SLC8A3: variants seen among roughly 807,000 people sequenced by gnomAD.
The protein encoded by SLC8A3 is solute carrier family 8 member A3, also known as sodium/calcium exchanger 3.
In SLC8A3, 37 loss-of-function variants were observed where a neutral mutation model predicts 65.4. That is an observed-to-expected ratio of 0.57 (90% CI 0.44 to 0.74). SLC8A3 has a LOEUF of 0.74. Among genes scored for constraint, SLC8A3 ranks in the 30% least tolerant of loss-of-function variants. SLC8A3 has a pLI of 0.00. For missense variants in SLC8A3, 1,112 were observed against 1,172.1 expected (o/e 0.95, Z 0.75); for synonymous variants, 461 against 444.5 (o/e 1.04, Z -0.47).
intron 2 of SLC8A3, among the ~76,000 whole-genome samples, chr14:70,126,794 AC>A (rs982649021): frequency 6.6e-6 from 1 of 152,082 alleles, no homozygotes; most frequent in Admixed American, 6.5e-5. Context: ...CAAAATTGGA[AC>A]CTTTTTGAGT....
chr14:70,123,488 C>T (rs77186285), intron 2 of SLC8A3, among the ~76,000 whole-genome samples: 15,837 of 147,696 alleles, frequency 0.11, 1,128 homozygotes, highest in Non-Finnish European at 0.16. Flanking sequence ...TCACTCTTGT[C>T]GCCCAGGCTG....
At chr14:70,168,872 T>C (rs1594798051) in intron 1 of SLC8A3, among the ~76,000 whole-genome samples, 1 of 152,350 alleles carries the variant, frequency 6.6e-6, no homozygotes, top group East Asian at 1.9e-4. Context: ...CCTTACCCTG[T>C]TGTCATTATA....
intron 2 of SLC8A3, among the ~76,000 whole-genome samples, chr14:70,072,707 G>T (rs1890123031): frequency 6.6e-6 from 1 of 152,152 alleles, no homozygotes; most frequent in South Asian, 2.1e-4. Context: ...AAGTGTAGTA[G>T]CATGATCTCG....
At chr14:70,189,301 G>T (rs145604194), upstream of SLC8A3, among the ~76,000 whole-genome samples, 271 of 152,312 alleles carry the variant, frequency 1.8e-3, 2 homozygotes, top group African/African-American at 6.3e-3. Flanking sequence ...ACGGCGGCGC[G>T]TCCTGACCTG....
chr14:70,173,422 G>A (rs1897671737), intron 1 of SLC8A3, among the ~76,000 whole-genome samples: 1 of 152,170 alleles, frequency 6.6e-6, no homozygotes, highest in Admixed American at 6.5e-5. Context: ...ACGCCTCTGA[G>A]GCCATCTGCA....
At position 70,047,476 on chromosome 14, in the gene SLC8A3, A is replaced by G. The variant is rs145266234; in HGVS notation, c.2390-1153T>C. The G allele has an allele frequency of 4.6e-5, 7 of 152,250 alleles. No homozygotes were observed. The East Asian group carries it at 1.2e-3, about 25-fold the overall frequency. The allele number at this position is 152,250 out of a possible 1,614,324, so 9.4% of individuals were successfully genotyped here. A position where few individuals can be genotyped will look rare whatever the true frequency, so the allele number is the denominator to read the frequency against. ...ACAGAGATCACAGGGCATCTCATCC[A>G]CAGGCCTTCCTGGGATCATCCATCT... On this transcript the variant is annotated intron_variant, in intron 6 of 6. Coordinates refer to ENST00000356921, the MANE Select transcript of SLC8A3 (RefSeq NM_182932.3).
At chr14:70,098,535 G>A (rs994403386) in intron 2 of SLC8A3, among the ~76,000 whole-genome samples, 2 of 152,194 alleles carry the variant, frequency 1.3e-5, no homozygotes, top group African/African-American at 4.8e-5. Context: ...AGAGACTGAG[G>A]TGTTGGTTAG....
rs532231331 is a variant in SLC8A3 at position 70,086,031 on chromosome 14, A to G, written c.1785-25092T>C. ...TATACTGCCTTTCAAATGAGATAATAAAAATTGCTTTTCAATGAAATGGAG... is the reference window on the plus strand; with the variant it reads ...TATACTGCCTTTCAAATGAGATAATGAAAATTGCTTTTCAATGAAATGGAG... On this transcript the variant is annotated intron_variant, in intron 2 of 6. Coordinates refer to ENST00000356921, the MANE Select transcript of SLC8A3 (RefSeq NM_182932.3). 5.9e-5 allele frequency among the ~76,000 whole-genome samples: 9 copies of G among 152,320 alleles called. No homozygotes were observed. In the East Asian group the frequency reaches 1.7e-3, roughly 29 times the overall value.
rs41286546 is a variant in SLC8A3 at position 70,045,493 on chromosome 14, C to A, written c.*454G>T. The A allele has an allele frequency of 0.021, 3,299 of 154,622 alleles. 50 individuals carry two copies. The highest frequency in any genetic ancestry group is 0.039 in the East Asian group (205 of 5,226). 9.6% of individuals were successfully genotyped at this position (154,622 alleles called of 1,614,324 possible). A position where few individuals can be genotyped will look rare whatever the true frequency, so the allele number is the denominator to read the frequency against. ...TGATTACAATGAAAAAAGAACCCCA[C>A]CCCAGCCACATGAATGTGACTCATT... On this transcript the variant is annotated 3_prime_UTR_variant, in exon 7 of 7. Transcript: ENST00000356921.
At chr14:70,084,287 A>G (rs372403843) in intron 2 of SLC8A3, among the ~76,000 whole-genome samples, 11 of 152,238 alleles carry the variant, frequency 7.2e-5, no homozygotes, top group African/African-American at 2.6e-4. Context: ...TATTTCACCA[A>G]CTTTCCTATT....
chr14:70,139,942 G>A (rs2140264379), intron 2 of SLC8A3, among the ~76,000 whole-genome samples: 1 of 152,300 alleles, frequency 6.6e-6, no homozygotes, highest in East Asian at 1.9e-4. Flanking sequence ...CCCTCTGCAA[G>A]TTCGTTGAAT....
chr14:70,055,668 TG>T, intron 3 of SLC8A3: 1 of 712,222 alleles, frequency 1.4e-6, no homozygotes, highest in Non-Finnish European at 2.3e-6. Context: ...TCCCAGTCCT[TG>T]GGAGAAATTG....
At chr14:70,174,483 T>C (rs1429435507) in intron 1 of SLC8A3, among the ~76,000 whole-genome samples, 1 of 151,918 alleles carries the variant, frequency 6.6e-6, no homozygotes, top group African/African-American at 2.4e-5. Flanking sequence ...CATTTTATGT[T>C]AGATGGGCCC....
intron 2 of SLC8A3, among the ~76,000 whole-genome samples, chr14:70,094,945 A>G (rs905491467): frequency 6.6e-6 from 1 of 152,238 alleles, no homozygotes; most frequent in Non-Finnish European, 1.5e-5. Flanking sequence ...CAAAGTGGCT[A>G]AAGCACAGGC....
At chr14:70,147,052 T>G (rs770433137) in intron 2 of SLC8A3, among the ~76,000 whole-genome samples, 34 of 152,286 alleles carry the variant, frequency 2.2e-4, no homozygotes, top group Non-Finnish European at 4.6e-4. Flanking sequence ...TAGGATTCAC[T>G]CATTCGGAGT....
At chr14:70,049,574 T>C (rs1408892292) in intron 5 of SLC8A3, among the ~76,000 whole-genome samples, 1 of 151,758 alleles carries the variant, frequency 6.6e-6, no homozygotes, top group Non-Finnish European at 1.5e-5. Context: ...GGCACGTGTA[T>C]ACCTATGTAA....
intron 2 of SLC8A3, among the ~76,000 whole-genome samples, chr14:70,144,297 G>A (rs76462717): frequency 0.16 from 14,868 of 95,762 alleles, 1,089 homozygotes; most frequent in Middle Eastern, 0.28. Context: ...AAAAACTAAC[G>A]AAAACTTCCT....
At chr14:70,185,608 G>A (rs1883139608) in intron 1 of SLC8A3, among the ~76,000 whole-genome samples, 1 of 152,208 alleles carries the variant, frequency 6.6e-6, no homozygotes. Context: ...GTAAAGGAGA[G>A]CTCAGAAGAG....
intron 2 of SLC8A3, among the ~76,000 whole-genome samples, chr14:70,095,366 A>C (rs1892099743): frequency 6.6e-6 from 1 of 152,236 alleles, no homozygotes; most frequent in Admixed American, 6.5e-5. Context: ...CAGACGCCAC[A>C]TCCAGTGACC....
Sources: gnomAD v4.1 joint callset for allele counts (sites outside exome capture counted in the v4.1 genomes callset) on GRCh38, gnomAD v4.1.1 for gene constraint, MANE v1.5 for transcripts, NCBI Gene and HGNC (gene_info 2026-07-23, HGNC 2026-07-21) for gene names.